Variants in TNKS observed in about 807,000 individuals in gnomAD.
The protein encoded by TNKS is poly [ADP-ribose] polymerase tankyrase-1.
In TNKS, 72 loss-of-function variants were observed where a neutral mutation model predicts 135.8. That is an observed-to-expected ratio of 0.53 (90% CI 0.44 to 0.64). The LOEUF (loss-of-function observed/expected upper bound fraction) is 0.64, where lower values mean the gene tolerates loss of function less well. TNKS is among the 30% of genes least tolerant of loss of function. TNKS has a pLI of 0.00. For missense variants in TNKS, 1,769 were observed against 1,674.0 expected, an observed-to-expected ratio of 1.06 and a Z score of -0.99; for synonymous variants, 849 against 649.3, an observed-to-expected ratio of 1.31 and a Z score of -4.68.
chr8:9,621,424 A>G lies in TNKS; in HGVS notation c.994+5747A>G, dbSNP rs537748228. Among the ~76,000 whole-genome samples the G allele has an allele frequency of 2.2e-4, 34 of 151,406 alleles. 2 individuals carry two copies. The South Asian group carries it at 6.7e-3, about 30-fold the overall frequency. ...GGTTCAAGCGATTCTCCTGCCTCTC[A>G]GTCTCCCAAGTAGCTGGGATTACAG... On this transcript the variant is annotated intron_variant, in intron 3 of 26. Transcript: ENST00000310430.
At chr8:9,751,570 T>C (rs1473462828) in intron 18 of TNKS, 39 bp from the exon 19 acceptor site, 2 of 1,560,410 alleles carry the variant, frequency 1.3e-6, no homozygotes, top group Admixed American at 1.7e-5. Context: ...TTTTAATATA[T>C]AGTATTTTCA....
intron 2 of TNKS, among the ~76,000 whole-genome samples, chr8:9,611,700 AT>A (rs1424610108): frequency 6.6e-6 from 1 of 152,202 alleles, no homozygotes; most frequent in Non-Finnish European, 1.5e-5. Flanking sequence ...TTCTTCTGGT[AT>A]TAGAAAATAG....
intron 1 of TNKS, chr8:9,558,629 C>T (rs985523212): frequency 2.0e-5 from 3 of 152,154 alleles, no homozygotes; most frequent in Admixed American, 6.5e-5. Flanking sequence ...TCTCAAATCA[C>T]GTGTCTTCTA....
chr8:9,599,814 CTATATT>C (rs1585214713), intron 2 of TNKS, among the ~76,000 whole-genome samples: 1 of 151,666 alleles, frequency 6.6e-6, no homozygotes, highest in Non-Finnish European at 1.5e-5. Context: ...TCTTGATTTT[CTATATT>C]TATAAGTAAA....
At chr8:9,605,728 A>G (rs1056201442) in intron 2 of TNKS, among the ~76,000 whole-genome samples, 1 of 152,038 alleles carries the variant, frequency 6.6e-6, no homozygotes, top group Non-Finnish European at 1.5e-5. Context: ...TGGACTTACT[A>G]GTAATTTATA....
chr8:9,701,004 G>C (rs965208296), intron 5 of TNKS, among the ~76,000 whole-genome samples: 1 of 148,656 alleles, frequency 6.7e-6, no homozygotes, highest in African/African-American at 2.5e-5. Context: ...CCCCATCTCT[G>C]CTCACTGCAA....
chr8:9,563,661 G>A (rs895555928), intron 1 of TNKS, among the ~76,000 whole-genome samples: 2 of 151,962 alleles, frequency 1.3e-5, no homozygotes, highest in South Asian at 2.1e-4. Context: ...ATTATTTTCT[G>A]AACTCTCTCC....
chr8:9,636,105 A>T (rs1224194810), intron 3 of TNKS, among the ~76,000 whole-genome samples: 1 of 152,206 alleles, frequency 6.6e-6, no homozygotes, highest in African/African-American at 2.4e-5. Context: ...GATGTATTGC[A>T]GCCTTCTCAA....
chr8:9,751,068 G>GT (rs1554484711), intron 18 of TNKS, among the ~76,000 whole-genome samples: 11,873 of 87,596 alleles, frequency 0.14, 496 homozygotes, highest in South Asian at 0.24. Flanking sequence ...TCGGCGGGTA[G>GT]GGGGCAGAAA....
At chr8:9,574,990 G>C in intron 1 of TNKS, 1 of 937,830 alleles carries the variant, frequency 1.1e-6, no homozygotes, top group Non-Finnish European at 1.3e-6. Context: ...AATGTGGAAA[G>C]ATTCTAAGGA....
At chr8:9,710,352 A>T (rs1292025908) in intron 11 of TNKS, 132 bp downstream of exon 11, 1 of 789,344 alleles carries the variant, frequency 1.3e-6, no homozygotes, top group South Asian at 1.6e-5. Flanking sequence ...ACTTAAATTC[A>T]TGGATTCTCC....
intron 3 of TNKS, among the ~76,000 whole-genome samples, chr8:9,625,799 G>C (rs1800033762): frequency 6.6e-6 from 1 of 152,116 alleles, no homozygotes; most frequent in Non-Finnish European, 1.5e-5. Flanking sequence ...TTGGACAAAG[G>C]TAGGACAAAG....
chr8:9,735,228 T>C (rs186417013), intron 16 of TNKS, 144 bp downstream of exon 16: 14 of 1,084,436 alleles, frequency 1.3e-5, no homozygotes, highest in Admixed American at 2.8e-5. Context: ...TAATTTCTTA[T>C]TGTGAAGTCC....
In TNKS at chr8:9,627,517, A is replaced by G. The variant is rs186265792; in HGVS notation, c.994+11840A>G. On this transcript the variant is annotated intron_variant, in intron 3 of 26. Transcript: ENST00000310430. ...TAGTGTCAGGACTGATTTGGAGGCCATCCTGCTGTTGCCTGTGGCAAAATT... is the reference window on the plus strand; with the variant it reads ...TAGTGTCAGGACTGATTTGGAGGCCGTCCTGCTGTTGCCTGTGGCAAAATT... 1.5e-3 allele frequency among the ~76,000 whole-genome samples: 226 copies of G among 152,120 alleles called. 1 individual carries two copies. Among genetic ancestry groups the G allele is most frequent in the African/African-American group, 5.0e-3 (209 of 41,504 alleles).
chr8:9,556,806 G>A, intron 1 of TNKS, 194 bp downstream of exon 1: 1 of 571,950 alleles, frequency 1.7e-6, no homozygotes, highest in South Asian at 2.0e-5. Flanking sequence ...GGGGATAAGT[G>A]AATCCAAGGA....
At chr8:9,672,258 C>T (rs1442447307) in intron 3 of TNKS, among the ~76,000 whole-genome samples, 3 of 151,922 alleles carry the variant, frequency 2.0e-5, no homozygotes, top group Non-Finnish European at 2.9e-5. Context: ...GGGTAGGTAC[C>T]GTCCGCAGTT....
At position 9,740,055 on chromosome 8, in the gene TNKS, TAAAAAAAAAAAAAA is replaced by T. The variant is rs58285747; in HGVS notation, c.2643+4581_2643+4594del. On this transcript the variant is annotated intron_variant, in intron 17 of 26. Transcript: ENST00000310430. ...ATGTACCCTAAAACTTAGAGTATAATAAAAAAAAAAAAAAAAAAAAAAAAAGAAAGTCCAGAGTT... is the reference window on the plus strand; with the variant it reads ...ATGTACCCTAAAACTTAGAGTATAATAAAAAAAAAAAGAAAGTCCAGAGTT... Among the ~76,000 whole-genome samples, 14 of 87,444 alleles carry T rather than the reference TAAAAAAAAAAAAAA, an allele frequency of 1.6e-4. No individual in the cohort carries two copies. In the South Asian group the frequency reaches 5.2e-3, roughly 33 times the overall value. 57.4% of individuals were successfully genotyped at this position (87,444 alleles called of 152,430 possible). A position where few individuals can be genotyped will look rare whatever the true frequency, so the allele number is the denominator to read the frequency against.
At chr8:9,693,789 G>A (rs1210222665) in intron 5 of TNKS, among the ~76,000 whole-genome samples, 2 of 152,196 alleles carry the variant, frequency 1.3e-5, no homozygotes, top group African/African-American at 4.8e-5. Context: ...TAAAAGTAGA[G>A]TACAATATGT....
chr8:9,649,239 A>C (rs993392828), intron 3 of TNKS, among the ~76,000 whole-genome samples: 11 of 152,188 alleles, frequency 7.2e-5, no homozygotes, highest in Non-Finnish European at 1.3e-4. Flanking sequence ...AAGAAGAAAA[A>C]GTTTTGACAG....
Sources: allele counts gnomAD v4.1 joint callset (sites outside exome capture counted in the v4.1 genomes callset), GRCh38; gene constraint gnomAD v4.1.1; transcripts MANE v1.5; gene names NCBI Gene and HGNC (gene_info 2026-07-23, HGNC 2026-07-21).